Variants in L3MBTL1 observed in about 807,000 individuals in gnomAD.
L3MBTL1 encodes the protein lethal(3)malignant brain tumor-like protein 1.
A neutral mutation model predicts 105.3 loss-of-function variants in L3MBTL1; 75 were observed. The observed-to-expected ratio is 0.71, with a 90% CI of 0.59 to 0.86. The LOEUF is 0.86. Among genes scored for constraint, L3MBTL1 ranks in the 40% least tolerant of loss-of-function variants. The pLI is 0.00. For missense variants in L3MBTL1, 1,069 were observed against 1,126.4 expected, an observed-to-expected ratio of 0.95 and a Z score of 0.73; for synonymous variants, 452 against 436.2, an observed-to-expected ratio of 1.04 and a Z score of -0.45.
chr20:43,534,966 A>T (rs1384645198), intron 16 of L3MBTL1, 24 bp downstream of exon 16: 4 of 1,504,500 alleles, frequency 2.7e-6, no homozygotes, highest in Admixed American at 2.0e-5. Context: ...GGGCACTCTG[A>T]TCTTTTCCTT....
intron 1 of L3MBTL1, among the ~76,000 whole-genome samples, chr20:43,508,048 A>G (rs1214428549): frequency 6.6e-6 from 1 of 152,174 alleles, no homozygotes; most frequent in African/African-American, 2.4e-5. Flanking sequence ...GAGATACGCA[A>G]TCAATTAAGA....
chr20:43,533,227 T>C, intron 12 of L3MBTL1, 115 bp from the exon 13 acceptor site: 1 of 900,712 alleles, frequency 1.1e-6, no homozygotes, highest in Non-Finnish European at 1.7e-6. Context: ...CCTTGCCATC[T>C]GTCTCCCTCT....
Position 43,529,284 on chromosome 20 carries a change from C to G in L3MBTL1, c.972C>G (p.Asn324Lys), listed in dbSNP as rs201774104. 4 of 1,612,302 alleles carry G rather than the reference C, an allele frequency of 2.5e-6. No homozygotes were observed. The African/African-American group carries it at 5.3e-5, about 21-fold the overall frequency. Reference protein sequence around the residue: ...LFQDSQAVTHNKNGFKLGMKL... With the variant: ...LFQDSQAVTHKKNGFKLGMKL... Reference sequence around the variant, plus strand: ...GACAGTCCCAGGCAGTCACTCACAACAAGAATGGCTTCAAACTGGGCATGA... The same window carrying G: ...GACAGTCCCAGGCAGTCACTCACAAGAAGAATGGCTTCAAACTGGGCATGA... The change falls in exon 9 of 22, where the codon AAC becomes AAG. Residue 324 changes from asparagine (N) to lysine (K), a missense_variant. Physicochemically the swap from Asn to Lys is moderately conservative, Grantham distance 94. Transcript: ENST00000418998.
At chr20:43,508,997 G>C (rs1028464308) in intron 1 of L3MBTL1, among the ~76,000 whole-genome samples, 1 of 152,120 alleles carries the variant, frequency 6.6e-6, no homozygotes, top group Non-Finnish European at 1.5e-5. Context: ...AGAGGCTGAC[G>C]GCAGAAGGCT....
intron 19 of L3MBTL1, 136 bp downstream of exon 19, chr20:43,536,594 C>T: frequency 9.9e-7 from 1 of 1,010,106 alleles, no homozygotes. Flanking sequence ...GTTTGAGATA[C>T]TGAGAGCACA....
chr20:43,515,909 T>C, intron 6 of L3MBTL1, 184 bp from the exon 7 acceptor site: 1 of 582,416 alleles, frequency 1.7e-6, no homozygotes, highest in Admixed American at 3.0e-5. Flanking sequence ...CATGTGAGTC[T>C]GTGCTCAAGT....
chr20:43,547,436 G>GT (rs1293808139), intron 18 of L3MBTL1, among the ~76,000 whole-genome samples: 3 of 152,166 alleles, frequency 2.0e-5, no homozygotes, highest in Non-Finnish European at 4.4e-5. Context: ...TCAGAGTGTG[G>GT]TTTTTTGGAT....
intron 15 of L3MBTL1, 56 bp downstream of exon 15, chr20:43,534,450 G>T: frequency 7.8e-6 from 11 of 1,417,528 alleles, no homozygotes; most frequent in East Asian, 2.3e-5. Context: ...CAGGAATTCT[G>T]TAGACTGTTT....
Position 43,515,114 on chromosome 20 carries a change from A to C in L3MBTL1, c.608A>C (p.Asp203Ala). ...ACGPHQAAGP[D>A]LGSSNDGCPQ... ...GGGCCTCACCAAGCCGCGGGTCCAG[A>C]TCTTGGTTCCTCTAATGATGGCTGC... The change falls in exon 5 of 22, where the codon GAT becomes GCT. Residue 203 changes from aspartate (D) to alanine (A), a missense_variant. Transcript: ENST00000418998. 1 of 1,614,086 alleles carries C rather than the reference A, an allele frequency of 6.2e-7. No individual in the cohort carries two copies. The highest frequency in any genetic ancestry group is 8.5e-7 in the Non-Finnish European group (1 of 1,179,982).
Position 43,541,350 on chromosome 20 carries a change from C to A in L3MBTL1, c.*222C>A. 1.3e-6 allele frequency: 1 copy of A among 797,092 alleles called. No homozygotes were observed. Among genetic ancestry groups the A allele is most frequent in the Non-Finnish European group, 1.9e-6 (1 of 537,464 alleles). 49.4% of individuals were successfully genotyped at this position (797,092 alleles called of 1,614,324 possible). A position where few individuals can be genotyped will look rare whatever the true frequency, so the allele number is the denominator to read the frequency against. On this transcript the variant is annotated 3_prime_UTR_variant, in exon 22 of 22. Coordinates refer to ENST00000418998, the MANE Select transcript of L3MBTL1 (RefSeq NM_001377303.1). ...CTGTTTACTGTCTCTGAGCCTACAT[C>A]TTCTTGTCTGTAAAATGGAGATAAA...
chr20:43,525,398 T>TA (rs11475664), intron 7 of L3MBTL1, among the ~76,000 whole-genome samples: 20 of 148,850 alleles, frequency 1.3e-4, no homozygotes, highest in Non-Finnish European at 2.1e-4. Flanking sequence ...TACAAGTTAT[T>TA]AAAAAAAAAA....
intron 8 of L3MBTL1, 23 bp downstream of exon 8, chr20:43,528,768 A>C: frequency 6.3e-7 from 1 of 1,579,736 alleles, no homozygotes; most frequent in Non-Finnish European, 8.7e-7. Context: ...ATTTCCCCGT[A>C]GGAACAGCTT....
chr20:43,514,256 G>C (rs1568917406), intron 3 of L3MBTL1, among the ~76,000 whole-genome samples, 195 bp downstream of exon 3: 1 of 152,100 alleles, frequency 6.6e-6, no homozygotes, highest in African/African-American at 2.4e-5. Flanking sequence ...GACTATGGGG[G>C]CGTGGCTTGG....
At chr20:43,539,888 T>C in intron 19 of L3MBTL1, 1 of 563,644 alleles carries the variant, frequency 1.8e-6, no homozygotes. Flanking sequence ...CCCAGGGTGG[T>C]GCAGCCTCAG....
At chr20:43,540,490 T>C (rs1806465883) in intron 20 of L3MBTL1, among the ~76,000 whole-genome samples, 182 bp downstream of exon 20, 1 of 152,114 alleles carries the variant, frequency 6.6e-6, no homozygotes, top group Admixed American at 6.5e-5. Flanking sequence ...CCCTTCCTGA[T>C]AGGTCCATTA....
In L3MBTL1 at chr20:43,515,162, A is replaced by T; in HGVS notation, c.653+3A>T. 6.2e-7 allele frequency: 1 copy of T among 1,614,078 alleles called. No individual in the cohort carries two copies. The highest frequency in any genetic ancestry group is 2.2e-5 in the East Asian group (1 of 44,868). ...TGCCCTCAGCTGTTCCAGGAGCGGTAAGGGGAGGAGGTCGCAGCCCTACTT... is the reference window on the plus strand; with the variant it reads ...TGCCCTCAGCTGTTCCAGGAGCGGTTAGGGGAGGAGGTCGCAGCCCTACTT... On this transcript the variant is annotated splice_donor_region_variant and intron_variant, in intron 5 of 21. Transcript: ENST00000418998.
chr20:43,541,956 A>C, downstream of L3MBTL1: 1 of 973,282 alleles, frequency 1.0e-6, no homozygotes, highest in Non-Finnish European at 1.2e-6. Context: ...CACGCCTGTA[A>C]TCTCAGGACT....
chr20:43,529,427 C>G, intron 9 of L3MBTL1, 59 bp downstream of exon 9: 5 of 1,210,436 alleles, frequency 4.1e-6, no homozygotes, highest in Non-Finnish European at 4.8e-6. Context: ...ATTGATGGAT[C>G]TTGCTGGGGA....
In L3MBTL1 at chr20:43,530,162, G is replaced by A. The variant is rs948662924; in HGVS notation, c.1057-122G>A. The A allele has an allele frequency of 5.0e-6, 6 of 1,197,304 alleles. No individual in the cohort carries two copies. In the African/African-American group the frequency reaches 6.1e-5, roughly 12 times the overall value. The allele number at this position is 1,197,304 out of a possible 1,614,324, so 74.2% of individuals were successfully genotyped here. On this transcript the variant is annotated intron_variant, in intron 9 of 21. Transcript: ENST00000418998. ...TACAATTGGGAGGAAAGAAAGGTGGGGTTGGGGAACCTGCTAGCATTAGAG... is the reference window on the plus strand; with the variant it reads ...TACAATTGGGAGGAAAGAAAGGTGGAGTTGGGGAACCTGCTAGCATTAGAG...
Sources: allele counts gnomAD v4.1 joint callset (sites outside exome capture counted in the v4.1 genomes callset), GRCh38; gene constraint gnomAD v4.1.1; transcripts MANE v1.5; gene names NCBI Gene and HGNC (gene_info 2026-07-23, HGNC 2026-07-21).